PCDH9: variants seen among roughly 807,000 people sequenced by gnomAD.
The protein encoded by PCDH9 is protocadherin 9, also known as protocadherin-9.
In PCDH9, 24 loss-of-function variants were observed where a neutral mutation model predicts 70.6. That is an observed-to-expected ratio of 0.34 (90% CI 0.25 to 0.48). The LOEUF (loss-of-function observed/expected upper bound fraction) is 0.48, where lower values mean the gene tolerates loss of function less well. PCDH9 is among the 20% of genes least tolerant of loss of function. PCDH9 has a pLI of 0.99. For synonymous variants in PCDH9, 562 were observed against 558.5 expected (o/e 1.01, Z -0.09); for missense variants, 1,281 against 1,503.6 (o/e 0.85, Z 2.45).
At chr13:66,546,875 A>C (rs930292982) in intron 4 of PCDH9, among the ~76,000 whole-genome samples, 10 of 152,142 alleles carry the variant, frequency 6.6e-5, no homozygotes, top group African/African-American at 1.7e-4. Flanking sequence ...TTATGTTATA[A>C]TTGCACTTAG....
chr13:66,364,645 A>G (rs1344233154), intron 4 of PCDH9, among the ~76,000 whole-genome samples: 3 of 152,204 alleles, frequency 2.0e-5, no homozygotes, highest in African/African-American at 7.2e-5. Flanking sequence ...ATACATTACC[A>G]GTGTACACAG....
At chr13:66,777,857 C>T (rs1248630653) in intron 3 of PCDH9, among the ~76,000 whole-genome samples, 1 of 152,036 alleles carries the variant, frequency 6.6e-6, no homozygotes, top group African/African-American at 2.4e-5. Flanking sequence ...GCACTATTCA[C>T]AATAGCAAAG....
intron 2 of PCDH9, among the ~76,000 whole-genome samples, chr13:66,959,623 C>A (rs1485417026): frequency 6.6e-6 from 1 of 151,580 alleles, no homozygotes; most frequent in Admixed American, 6.6e-5. Flanking sequence ...TGGTGGCACA[C>A]ACTTGTAGTT....
chr13:66,951,747 A>G (rs1484379888), intron 2 of PCDH9, among the ~76,000 whole-genome samples: 1 of 152,194 alleles, frequency 6.6e-6, no homozygotes, highest in Admixed American at 6.5e-5. Flanking sequence ...TGAATTTTTT[A>G]GAGCATTTGT....
At chr13:66,912,177 C>T (rs2082478786) in intron 2 of PCDH9, among the ~76,000 whole-genome samples, 1 of 152,108 alleles carries the variant, frequency 6.6e-6, no homozygotes, top group Admixed American at 6.6e-5. Flanking sequence ...GTGAACATTT[C>T]CAGATTAAAT....
chr13:67,185,975 G>T (rs2088749047), intron 2 of PCDH9, among the ~76,000 whole-genome samples: 1 of 152,080 alleles, frequency 6.6e-6, no homozygotes, highest in Non-Finnish European at 1.5e-5. Context: ...CAGGTGATCT[G>T]CCTGCCTTGT....
intron 4 of PCDH9, among the ~76,000 whole-genome samples, chr13:66,436,107 T>C (rs74093092): frequency 0.017 from 2,618 of 152,308 alleles, 79 homozygotes; most frequent in African/African-American, 0.06. Context: ...TTTTTTAATT[T>C]AAATTAAATA....
chr13:66,374,623 T>C (rs1164551673), intron 4 of PCDH9, among the ~76,000 whole-genome samples: 3 of 152,034 alleles, frequency 2.0e-5, no homozygotes, highest in African/African-American at 7.2e-5. Context: ...TAGTACATAG[T>C]AGGTGGATTT....
At chr13:66,957,907 A>G (rs2083288415) in intron 2 of PCDH9, among the ~76,000 whole-genome samples, 1 of 152,228 alleles carries the variant, frequency 6.6e-6, no homozygotes, top group Non-Finnish European at 1.5e-5. Flanking sequence ...GTAAAATACA[A>G]AGGGAGTTAT....
intron 2 of PCDH9, among the ~76,000 whole-genome samples, chr13:67,137,130 A>C (rs4884715): frequency 0.49 from 74,367 of 151,758 alleles, 18,668 homozygotes; most frequent in East Asian, 0.77. Context: ...AATAATAAAA[A>C]AAAAGAAAAT....
intron 2 of PCDH9, among the ~76,000 whole-genome samples, chr13:67,179,917 C>A (rs2088571122): frequency 6.6e-6 from 1 of 152,096 alleles, no homozygotes; most frequent in Non-Finnish European, 1.5e-5. Context: ...GCAATATAGA[C>A]TCAAAACTAT....
chr13:66,916,413 A>G (rs975287599), intron 2 of PCDH9, among the ~76,000 whole-genome samples: 1 of 151,592 alleles, frequency 6.6e-6, no homozygotes, highest in Non-Finnish European at 1.5e-5. Flanking sequence ...AATCTGAAGG[A>G]ACTATCTGCT....
intron 2 of PCDH9, among the ~76,000 whole-genome samples, chr13:67,103,045 C>T (rs1209064849): frequency 2.6e-5 from 4 of 151,638 alleles, no homozygotes; most frequent in African/African-American, 9.7e-5. Context: ...AAAGAAACAA[C>T]AATAAAGGAA....
At chr13:66,651,966 A>G (rs2077858448) in intron 3 of PCDH9, among the ~76,000 whole-genome samples, 1 of 152,100 alleles carries the variant, frequency 6.6e-6, no homozygotes, top group Non-Finnish European at 1.5e-5. Flanking sequence ...AATACCCTTT[A>G]TGATAAAAAC....
At chr13:67,105,741 C>A (rs2086527100) in intron 2 of PCDH9, among the ~76,000 whole-genome samples, 1 of 151,578 alleles carries the variant, frequency 6.6e-6, no homozygotes, top group Non-Finnish European at 1.5e-5. Context: ...TTACTAAATT[C>A]CAAAGCTTAA....
At position 66,561,192 on chromosome 13, in the gene PCDH9, G is replaced by A. The variant is rs553183585; in HGVS notation, c.3340+70018C>T. On this transcript the variant is annotated intron_variant, in intron 4 of 4. Coordinates refer to ENST00000377865, the MANE Select transcript of PCDH9 (RefSeq NM_203487.3). ...CTGGCCCCGCCACCGGGGCAGTGAG[G>A]GGCTTAGCGCCTGGGCCAGCAGCTG... 9.2e-5 allele frequency among the ~76,000 whole-genome samples: 14 copies of A among 152,336 alleles called. No individual in the cohort carries two copies. The South Asian group carries it at 2.9e-3, about 32-fold the overall frequency.
intron 3 of PCDH9, among the ~76,000 whole-genome samples, chr13:66,742,802 T>C (rs1472498356): frequency 1.3e-5 from 2 of 149,062 alleles, no homozygotes; most frequent in Middle Eastern, 3.2e-3. Flanking sequence ...AGATATCATC[T>C]CACACCAGTT....
At chr13:66,709,554 T>C (rs1305318065) in intron 3 of PCDH9, among the ~76,000 whole-genome samples, 1 of 152,124 alleles carries the variant, frequency 6.6e-6, no homozygotes, top group Non-Finnish European at 1.5e-5. Flanking sequence ...AGAAATATGA[T>C]TGATTAGTGA....
intron 4 of PCDH9, among the ~76,000 whole-genome samples, chr13:66,599,625 C>A (rs1057181646): frequency 4.0e-5 from 6 of 151,614 alleles, no homozygotes; most frequent in Non-Finnish European, 5.9e-5. Context: ...CAACTCACTG[C>A]AGCCTTGACC....
Sources: allele counts gnomAD v4.1 joint callset (sites outside exome capture counted in the v4.1 genomes callset), GRCh38; gene constraint gnomAD v4.1.1; transcripts MANE v1.5; gene names NCBI Gene and HGNC (gene_info 2026-07-23, HGNC 2026-07-21).